HTT: variants seen among roughly 807,000 people sequenced by gnomAD.
The protein encoded by HTT is huntington disease protein.
In HTT, 104 loss-of-function variants were observed where a neutral mutation model predicts 362.3. The ratio of observed to expected loss-of-function variants is 0.29; its 90% CI spans 0.24 to 0.34. The LOEUF (loss-of-function observed/expected upper bound fraction) is 0.34, where lower values mean the gene tolerates loss of function less well. Among genes scored for constraint, HTT ranks in the 10% least tolerant of loss-of-function variants. The probability of loss-of-function intolerance (pLI) is 1.00; values close to 1 mark genes in which losing one functional copy is unlikely to be tolerated. For missense variants in HTT, 3,301 were observed against 3,928.6 expected, an observed-to-expected ratio of 0.84 and a Z score of 4.27; for synonymous variants, 1,577 against 1,548.7, an observed-to-expected ratio of 1.02 and a Z score of -0.43.
At chr4:3,216,497 A>C (rs1254151233) in intron 51 of HTT, among the ~76,000 whole-genome samples, 1 of 152,258 alleles carries the variant, frequency 6.6e-6, no homozygotes, top group African/African-American at 2.4e-5. Flanking sequence ...AACGGATGAC[A>C]GTCTTGTTAT....
intron 6 of HTT, among the ~76,000 whole-genome samples, chr4:3,108,169 T>G (rs1714534467): frequency 6.6e-6 from 1 of 152,202 alleles, no homozygotes; most frequent in South Asian, 2.1e-4. Flanking sequence ...AAGGAATATG[T>G]GTTAGAGTGT....
chr4:3,235,366 G>C lies in HTT; in HGVS notation c.8539G>C (p.Val2847Leu). ...CCTCATTGAGAACTATCCTCTGGAC[G>C]TAGGGCCGGAATTTTCAGCATCAAT... ...FYLIENYPLD[V>L]GPEFSASIIQ... Residue 2847 changes from valine to leucine, a missense_variant, in exon 62 of 67, where the codon GTA (valine) becomes CTA (leucine). Physicochemically the swap from Val to Leu is conservative, Grantham distance 32. Around this residue, in one of 4 missense-constraint regions of HTT, gnomAD observed 753 missense variants for 1,021.3 expected, o/e 0.74. Coordinates refer to ENST00000355072, the MANE Select transcript of HTT (RefSeq NM_001388492.1). The C allele has an allele frequency of 6.2e-7, 1 of 1,613,276 alleles. No homozygotes were observed.
chr4:3,099,231 A>G (rs1356846331), intron 2 of HTT, 43 bp from the exon 3 acceptor site: 9 of 1,370,830 alleles, frequency 6.6e-6, no homozygotes, highest in Non-Finnish European at 9.3e-6. Context: ...TTGTCATGTC[A>G]CCTTAGGCTC....
Position 3,134,538 on chromosome 4 carries a change from C to T in HTT, c.2631C>T (p.Phe877=). The T allele has an allele frequency of 6.2e-7, 1 of 1,611,378 alleles. No homozygotes were observed. The highest frequency in any genetic ancestry group is 8.5e-7 in the Non-Finnish European group (1 of 1,178,784). Residue 877 remains phenylalanine (F), a splice_region_variant and synonymous_variant, in exon 19 of 67, where the codon TTC becomes TTT. Coordinates refer to ENST00000355072, the MANE Select transcript of HTT (RefSeq NM_001388492.1). ...TGGAAACCCTTGCAGAGATTGACTTCAGGTAAGTGAGTCACATCCATTAGA... is the reference window on the plus strand; with the variant it reads ...TGGAAACCCTTGCAGAGATTGACTTTAGGTAAGTGAGTCACATCCATTAGA... The part of the protein sequence containing the change: ...ELLETLAEID[F]RLVSFLEAKA...
intron 37 of HTT, among the ~76,000 whole-genome samples, chr4:3,184,915 G>A (rs1297660331): frequency 6.6e-6 from 1 of 152,148 alleles, no homozygotes; most frequent in Admixed American, 6.5e-5. Context: ...GGAGTAGGCA[G>A]GTGTGGGGTT....
At chr4:3,138,938 C>A (rs1469612082) in intron 21 of HTT, among the ~76,000 whole-genome samples, 1 of 151,986 alleles carries the variant, frequency 6.6e-6, no homozygotes, top group Non-Finnish European at 1.5e-5. Context: ...AATAACTTAC[C>A]TTCTTTTGAA....
chr4:3,206,725 A>G lies in HTT; in HGVS notation c.5898+50A>G, dbSNP rs1357690768. 10 of 1,592,998 alleles carry G rather than the reference A, an allele frequency of 6.3e-6. No homozygotes were observed. The highest frequency in any genetic ancestry group is 6.9e-6 in the Non-Finnish European group (8 of 1,165,612). ...TGCCAGTTGCAGTTTTCCCTGCCTT[A>G]AAAATGGAGTATTGAAATTTTTAAC... On this transcript the variant is annotated intron_variant, in intron 43 of 66. Coordinates refer to ENST00000355072, the MANE Select transcript of HTT (RefSeq NM_001388492.1). This position sits in a 1 kb window ranked among gnomAD's most constrained non-coding sequence, Gnocchi z 4.6.
chr4:3,172,916 G>T lies in HTT; in HGVS notation c.3951G>T (p.Lys1317Asn). 6.2e-7 allele frequency: 1 copy of T among 1,613,750 alleles called. No individual in the cohort carries two copies. The highest frequency in any genetic ancestry group is 8.5e-7 in the Non-Finnish European group (1 of 1,179,640). ...MATVCVQQLL[K>N]TLFGTNLASQ... ...CATTTTTTTCACTGTAGTTGTTGAA[G>T]ACTCTCTTTGGCACAAACTTGGCCT... is the stretch of plus-strand genomic sequence containing the variant. Residue 1317 changes from lysine (K) to asparagine (N), a missense_variant, in exon 31 of 67, where the codon AAG (lysine) becomes AAT (asparagine). Physicochemically the swap from Lys to Asn is moderately conservative, Grantham distance 94. Coordinates refer to ENST00000355072, the MANE Select transcript of HTT (RefSeq NM_001388492.1).
In HTT at chr4:3,134,494, C is replaced by T; in HGVS notation, c.2587C>T (p.Leu863=). Residue 863 remains leucine, a synonymous_variant, in exon 19 of 67, where the codon CTG becomes TTG. Coordinates refer to ENST00000355072, the MANE Select transcript of HTT (RefSeq NM_001388492.1). ...VLTLRNSSYW[L]VRTELLETLA... ...GACTCTGAGGAACAGTTCCTATTGG[C>T]TGGTGAGGACAGAGCTTCTGGAAAC... 6.2e-7 allele frequency: 1 copy of T among 1,613,924 alleles called. No individual in the cohort carries two copies. Among genetic ancestry groups the T allele is most frequent in the Non-Finnish European group, 8.5e-7 (1 of 1,179,826 alleles).
intron 38 of HTT, 129 bp downstream of exon 38, chr4:3,186,848 T>TG (rs1718785508): frequency 1.1e-6 from 1 of 877,858 alleles, no homozygotes; most frequent in East Asian, 2.8e-5. Flanking sequence ...CTTTTTTTTT[T>TG]TTTTTTTTTT....
At chr4:3,213,887 C>A in intron 49 of HTT, 71 bp from the exon 50 acceptor site, 1 of 1,387,310 alleles carries the variant, frequency 7.2e-7, no homozygotes. Context: ...GGTTCCACAA[C>A]TGTGATTCAC....
intron 23 of HTT, among the ~76,000 whole-genome samples, chr4:3,144,636 A>C (rs1282101807): frequency 6.6e-6 from 1 of 152,216 alleles, no homozygotes; most frequent in Non-Finnish European, 1.5e-5. Flanking sequence ...ATTTTATTTG[A>C]CAAAAGAAAT....
chr4:3,175,956 C>G (rs531295532), intron 33 of HTT, among the ~76,000 whole-genome samples: 151 of 151,846 alleles, frequency 9.9e-4, no homozygotes, highest in African/African-American at 3.6e-3. Flanking sequence ...TGAGGGCACT[C>G]GGTCAACACT....
intron 3 of HTT, 100 bp from the exon 4 acceptor site, chr4:3,103,723 GT>G: frequency 1.4e-6 from 1 of 724,652 alleles, no homozygotes. Flanking sequence ...TTGCTATTAT[GT>G]TTTGCTTTGC....
intron 28 of HTT, among the ~76,000 whole-genome samples, chr4:3,158,618 T>A (rs1717280712): frequency 6.6e-6 from 1 of 152,032 alleles, no homozygotes; most frequent in African/African-American, 2.4e-5. Flanking sequence ...TCCTCTGTTT[T>A]TGTTACTAAT....
In HTT at chr4:3,074,807, T is replaced by C. The variant is rs1373521438; in HGVS notation, c.-19T>C. 1.3e-6 allele frequency: 2 copies of C among 1,510,850 alleles called. No individual in the cohort carries two copies. Among genetic ancestry groups the C allele is most frequent in the Admixed American group, 2.0e-5 (1 of 49,142 alleles). 93.6% of individuals were successfully genotyped at this position (1,510,850 alleles called of 1,614,324 possible). ...GGCCCGAGGCCTCCGGGGACTGCCG[T>C]GCCGGGCGGGAGACCGCCATGGCGA... On this transcript the variant is annotated 5_prime_UTR_variant, in exon 1 of 67. Coordinates refer to ENST00000355072, the MANE Select transcript of HTT (RefSeq NM_001388492.1).
chr4:3,116,681 A>T (rs1715044034), intron 8 of HTT, among the ~76,000 whole-genome samples: 1 of 152,194 alleles, frequency 6.6e-6, no homozygotes, highest in Non-Finnish European at 1.5e-5. Context: ...TGGTCTAGGC[A>T]CGGTGGTATA....
chr4:3,157,336 T>C (rs567692720), intron 28 of HTT, 137 bp downstream of exon 28: 202 of 801,968 alleles, frequency 2.5e-4, no homozygotes, highest in Non-Finnish European at 3.7e-4. Context: ...TCAAGTTTGT[T>C]TGTCTTTCAG....
chr4:3,127,676 A>G, intron 12 of HTT, 72 bp downstream of exon 12: 1 of 1,170,308 alleles, frequency 8.5e-7, no homozygotes, highest in Non-Finnish European at 1.2e-6. Context: ...TCCATAGTGC[A>G]GTGGAGGCCG....
Sources: allele counts gnomAD v4.1 joint callset (sites outside exome capture counted in the v4.1 genomes callset), GRCh38; gene constraint gnomAD v4.1.1; regional missense constraint gnomAD v4.1.1; non-coding constraint Gnocchi (gnomAD v3.1); transcripts MANE v1.5; gene names NCBI Gene and HGNC (gene_info 2026-07-23, HGNC 2026-07-21).